The following TBC1D10B variants were observed in gnomAD, a reference collection of about 807,000 sequenced individuals.
TBC1D10B encodes Rab27A-GAPbeta.
TBC1D10B carries 25 observed loss-of-function variants against 78.4 expected under a neutral mutation model. The ratio of observed to expected loss-of-function variants is 0.32; its 90% CI spans 0.23 to 0.45. TBC1D10B has a LOEUF of 0.45. Ranked by LOEUF, TBC1D10B falls within the 20% of genes least tolerant of loss-of-function variation. The pLI, the probability that TBC1D10B is intolerant of heterozygous loss-of-function variation, is 1.00. For synonymous variants in TBC1D10B, 517 were observed against 478.0 expected (o/e 1.08, Z -1.06); for missense variants, 996 against 1,104.8 (o/e 0.90, Z 1.40).
intron 6 of TBC1D10B, 83 bp from the exon 7 acceptor site, chr16:30,359,444 A>T: frequency 6.5e-7 from 1 of 1,546,222 alleles, no homozygotes; most frequent in Non-Finnish European, 8.8e-7. Flanking sequence ...TGTGGGCAGA[A>T]GCCGGGAAGG....
rs1047627478 is a variant in TBC1D10B at position 30,357,659 on chromosome 16, G to A, written c.*285C>T. 10 of 515,046 alleles carry A rather than the reference G, an allele frequency of 1.9e-5. No individual in the cohort carries two copies. The highest frequency in any genetic ancestry group is 1.1e-4 in the African/African-American group (6 of 52,634). 31.9% of individuals were successfully genotyped at this position (515,046 alleles called of 1,614,324 possible). A position where few individuals can be genotyped will look rare whatever the true frequency, so the allele number is the denominator to read the frequency against. On this transcript the variant is annotated 3_prime_UTR_variant, in exon 9 of 9. Coordinates refer to ENST00000409939, the MANE Select transcript of TBC1D10B (RefSeq NM_015527.4). ...CAGGAGTCACCCCTGGGATGACAAC[G>A]GGCCATTCAGGACAGCACCTAGGAG...
In TBC1D10B at chr16:30,370,139, A is replaced by T. The variant is rs1291267418; in HGVS notation, c.45T>A (p.His15Gln). Reference sequence around the variant, plus strand: ...GCGGCGAGGGGGCCGCGGGGGCGCCATGACGGCGCGGCGGGGCCACCAGGG... The same window carrying T: ...GCGGCGAGGGGGCCGCGGGGGCGCCTTGACGGCGCGGCGGGGCCACCAGGG... ...TAPLVAPPRRHGAPAAPSPPP... is the reference protein window; with the variant it reads ...TAPLVAPPRRQGAPAAPSPPP... The change falls in exon 1 of 9, where the codon CAT becomes CAA. Residue 15 changes from histidine (H) to glutamine (Q), a missense_variant. Coordinates refer to ENST00000409939, the MANE Select transcript of TBC1D10B (RefSeq NM_015527.4). 8.3e-7 allele frequency: 1 copy of T among 1,201,612 alleles called. No homozygotes were observed. The highest frequency in any genetic ancestry group is 1.6e-5 in the African/African-American group (1 of 62,944). The allele number at this position is 1,201,612 out of a possible 1,614,324, so 74.4% of individuals were successfully genotyped here.
Position 30,364,911 on chromosome 16 carries a change from T to C in TBC1D10B, c.1260A>G (p.Arg420=). The C allele has an allele frequency of 6.2e-7, 1 of 1,610,654 alleles. No individual in the cohort carries two copies. The highest frequency in any genetic ancestry group is 8.5e-7 in the Non-Finnish European group (1 of 1,178,540). The change falls in exon 4 of 9, where the codon CGA becomes CGG. Residue 420 remains arginine (R), a synonymous_variant. Transcript: ENST00000409939. ...QFPFHEMFAA[R]GGHGQQDLYR... ...TCCGGCCACCTTACCCATGCCCCCC[T>C]CGAGCAGCAAACATCTCGTGGAAAG... is the stretch of plus-strand genomic sequence containing the variant.
In TBC1D10B at chr16:30,365,658, GA is replaced by G. The variant is rs1413003378; in HGVS notation, c.957-65del. 4 of 1,482,564 alleles carry G rather than the reference GA, an allele frequency of 2.7e-6. No homozygotes were observed. The highest frequency in any genetic ancestry group is 2.8e-6 in the Non-Finnish European group (3 of 1,067,530). The allele number at this position is 1,482,564 out of a possible 1,614,324, so 91.8% of individuals were successfully genotyped here. A position where few individuals can be genotyped will look rare whatever the true frequency, so the allele number is the denominator to read the frequency against. On this transcript the variant is annotated intron_variant, in intron 1 of 8. Coordinates refer to ENST00000409939, the MANE Select transcript of TBC1D10B (RefSeq NM_015527.4). The surrounding 1 kb of genome is among the most constrained non-coding windows in gnomAD (Gnocchi z 5.0). ...TAGTGTAAAACCTGCATTGCAGGGG[GA>G]ACTGAGGCAAGCCACCTCCCCAAGC...
intron 4 of TBC1D10B, among the ~76,000 whole-genome samples, chr16:30,362,546 C>T (rs1004817571): frequency 2.0e-5 from 3 of 152,098 alleles, no homozygotes; most frequent in African/African-American, 7.2e-5. Flanking sequence ...GGACATTTCG[C>T]ATCAATTCCT....
rs1473518955 is a variant in TBC1D10B, at chr16:30,359,233, G to A, written c.1581C>T (p.Ile527=). The A allele has an allele frequency of 1.2e-6, 2 of 1,613,126 alleles. No homozygotes were observed. Among genetic ancestry groups the A allele is most frequent in the Non-Finnish European group, 1.7e-6 (2 of 1,179,510 alleles). The part of the protein sequence containing the change: ...VLYMTEWFMC[I]FARTLPWASV... ...ACGCCCAGGGCAGGGTGCGGGCGAA[G>A]ATGCACATGAACCACTCCGTCATGT... is the stretch of plus-strand genomic sequence containing the variant. Residue 527 remains isoleucine, a synonymous_variant, in exon 7 of 9, where the codon ATC becomes ATT. Transcript: ENST00000409939.
intron 4 of TBC1D10B, among the ~76,000 whole-genome samples, chr16:30,362,654 CCA>C (rs1240697701): frequency 2.6e-5 from 4 of 152,224 alleles, no homozygotes; most frequent in African/African-American, 9.7e-5. Flanking sequence ...CAATTTATCT[CCA>C]GTTTAAACAT....
At chr16:30,364,609 C>T (rs755166251) in intron 4 of TBC1D10B, among the ~76,000 whole-genome samples, 1 of 152,034 alleles carries the variant, frequency 6.6e-6, no homozygotes, top group Non-Finnish European at 1.5e-5. Flanking sequence ...TTCCATAACC[C>T]CCAGGCAGGA....
In TBC1D10B at chr16:30,370,056, G is replaced by A; in HGVS notation, c.128C>T (p.Thr43Ile). 8.1e-7 allele frequency: 1 copy of A among 1,228,508 alleles called. No homozygotes were observed. The highest frequency in any genetic ancestry group is 1.0e-6 in the Non-Finnish European group (1 of 985,768). 76.1% of individuals were successfully genotyped at this position (1,228,508 alleles called of 1,614,324 possible). ...GGTGACGGGGGCCGAAGTGGCCGTA[G>A]TCACTGGAGGTCCCGGAGCCACCAC... ...VVVVAPGPPV[T>I]TATSAPVTLV... The change falls in exon 1 of 9, where the codon ACT becomes ATT. Residue 43 changes from threonine to isoleucine, a missense_variant. Transcript: ENST00000409939.
In TBC1D10B at chr16:30,358,744, G is replaced by A. The variant is rs905700320; in HGVS notation, c.1716C>T (p.Ser572=). Residue 572 remains serine, a synonymous_variant, in exon 8 of 9, where the codon TCC becomes TCT. Transcript: ENST00000409939. ...CCATGGTCTCATACATGCCTTGGCAGGAGCGCAGCTTCTCCACTGAGCCCA... is the reference window on the plus strand; with the variant it reads ...CCATGGTCTCATACATGCCTTGGCAAGAGCGCAGCTTCTCCACTGAGCCCA... ...HTLGSVEKLR[S]CQGMYETMEQ... The A allele has an allele frequency of 1.9e-6, 3 of 1,609,698 alleles. No individual in the cohort carries two copies. The highest frequency in any genetic ancestry group is 1.7e-4 in the Middle Eastern group (1 of 6,006).
Position 30,358,320 on chromosome 16 carries a change from C to A in TBC1D10B, c.2051G>T (p.Arg684Leu). The part of the protein sequence containing the change: ...GGAPSPPPPV[R>L]RASAGPAPGP... Reference sequence around the variant, plus strand: ...TGGGGCAGGCCCAGCACTGGCTCTGCGGACGGGGGGCGGCGGGGACGGGGC... The same window carrying A: ...TGGGGCAGGCCCAGCACTGGCTCTGAGGACGGGGGGCGGCGGGGACGGGGC... The change falls in exon 9 of 9, where the codon CGC (arginine) becomes CTC (leucine). Residue 684 changes from arginine to leucine, a missense_variant. By Grantham distance (102) the Arg-to-Leu change is moderately radical. Coordinates refer to ENST00000409939, the MANE Select transcript of TBC1D10B (RefSeq NM_015527.4). 1 of 1,575,654 alleles carries A rather than the reference C, an allele frequency of 6.3e-7. No homozygotes were observed. The highest frequency in any genetic ancestry group is 8.6e-7 in the Non-Finnish European group (1 of 1,160,584).
At chr16:30,358,894 AG>A (rs1189041225) in intron 7 of TBC1D10B, 77 bp from the exon 8 acceptor site, 3 of 1,481,004 alleles carry the variant, frequency 2.0e-6, no homozygotes, top group Non-Finnish European at 2.7e-6. Context: ...ATAGACTCAC[AG>A]CCCCCATCCC....
Position 30,359,524 on chromosome 16 carries a change from C to A in TBC1D10B, c.1452+14G>T. On this transcript the variant is annotated intron_variant, in intron 6 of 8. Transcript: ENST00000409939. ...CGCCACAGCCCCGGATGCACCCAGC[C>A]TCCAGACACTCACCAGCCCTGCACT... The A allele has an allele frequency of 6.4e-7, 1 of 1,555,944 alleles. No homozygotes were observed. Among genetic ancestry groups the A allele is most frequent in the East Asian group, 2.4e-5 (1 of 41,052 alleles).
chr16:30,369,242 C>T lies in TBC1D10B; in HGVS notation c.942G>A (p.Gln314=), dbSNP rs772158927. The change falls in exon 1 of 9, where the codon CAG becomes CAA. Residue 314 remains glutamine (Q), a synonymous_variant. Transcript: ENST00000409939. The surrounding 1 kb of genome is among the most constrained non-coding windows in gnomAD (Gnocchi z 4.3). ...TDKYGFLGGS[Q]YSGSLESSIP... ...CTGGTACTCACAGGCTGCCCGAGTA[C>T]TGGCTGCCCCCAAGGAAGCCATACT... 23 of 1,580,544 alleles carry T rather than the reference C, an allele frequency of 1.5e-5. No homozygotes were observed. In the South Asian group the frequency reaches 2.5e-4, roughly 18 times the overall value.
At position 30,369,443 on chromosome 16, in the gene TBC1D10B, G is replaced by C. The variant is rs1318499321; in HGVS notation, c.741C>G (p.Gly247=). The C allele has an allele frequency of 6.4e-7, 1 of 1,556,110 alleles. No individual in the cohort carries two copies. The highest frequency in any genetic ancestry group is 1.4e-5 in the African/African-American group (1 of 73,234). Reference sequence around the variant, plus strand: ...TGCCAGGTCCCAGGCTGGACGTGGAGCCCAGGTCTTGAGAGTTTTCAGCAG... The same window carrying C: ...TGCCAGGTCCCAGGCTGGACGTGGACCCCAGGTCTTGAGAGTTTTCAGCAG... ...PEPAENSQDL[G]STSSLGPGIS... The change falls in exon 1 of 9, where the codon GGC becomes GGG. Residue 247 remains glycine, a synonymous_variant. Transcript: ENST00000409939. The surrounding 1 kb of genome is among the most constrained non-coding windows in gnomAD (Gnocchi z 4.3).
At chr16:30,360,604 G>A (rs1308254661) in intron 4 of TBC1D10B, among the ~76,000 whole-genome samples, 4 of 152,148 alleles carry the variant, frequency 2.6e-5, no homozygotes, top group Non-Finnish European at 5.9e-5. Context: ...AGGCATTCAA[G>A]TGTGATCTTC....
At chr16:30,361,866 G>A (rs1326317422) in intron 4 of TBC1D10B, among the ~76,000 whole-genome samples, 2 of 140,200 alleles carry the variant, frequency 1.4e-5, no homozygotes, top group East Asian at 4.2e-4. Flanking sequence ...TTTTTTTTTT[G>A]AGACAGAATC....
At position 30,369,730 on chromosome 16, in the gene TBC1D10B, T is replaced by C; in HGVS notation, c.454A>G (p.Thr152Ala). The C allele has an allele frequency of 6.8e-7, 1 of 1,469,646 alleles. No homozygotes were observed. Among genetic ancestry groups the C allele is most frequent in the Non-Finnish European group, 9.0e-7 (1 of 1,108,988 alleles). The allele number at this position is 1,469,646 out of a possible 1,614,324, so 91.0% of individuals were successfully genotyped here. The change falls in exon 1 of 9, where the codon ACC (threonine) becomes GCC (alanine). Residue 152 changes from threonine (T) to alanine (A), a missense_variant. Thr to Ala is a moderately conservative substitution (Grantham distance 58). Around this residue, in one of 5 missense-constraint regions of TBC1D10B, gnomAD observed 448 missense variants for 442.1 expected, o/e 1.01. Transcript: ENST00000409939. The surrounding 1 kb of genome is among the most constrained non-coding windows in gnomAD (Gnocchi z 4.3). The stretch of plus-strand genomic sequence containing the variant: ...GTTCTGGAAGGGGTCCTGGTAGGGG[T>C]CCCGGTGGGGGTCCCTGGTCCTGGG... ...PAPGPGTPTG[T>A]PTRTPSRTAP...
In TBC1D10B at chr16:30,370,071, G is replaced by C; in HGVS notation, c.113C>G (p.Pro38Arg). 1 of 1,227,166 alleles carries C rather than the reference G, an allele frequency of 8.1e-7. No homozygotes were observed. Among genetic ancestry groups the C allele is most frequent in the Non-Finnish European group, 1.0e-6 (1 of 985,038 alleles). 76.0% of individuals were successfully genotyped at this position (1,227,166 alleles called of 1,614,324 possible). A position where few individuals can be genotyped will look rare whatever the true frequency, so the allele number is the denominator to read the frequency against. ...AGTGGCCGTAGTCACTGGAGGTCCC[G>C]GAGCCACCACCACGACGGGCCCGGC... is the stretch of plus-strand genomic sequence containing the variant. ...SRAGPVVVVA[P>R]GPPVTTATSA... The change falls in exon 1 of 9, where the codon CCG becomes CGG. Residue 38 changes from proline to arginine, a missense_variant. Transcript: ENST00000409939.
Sources: gnomAD v4.1 joint callset for allele counts (sites outside exome capture counted in the v4.1 genomes callset) on GRCh38, gnomAD v4.1.1 for gene constraint, gnomAD v4.1.1 regional missense constraint, Gnocchi (gnomAD v3.1) non-coding constraint, MANE v1.5 for transcripts, NCBI Gene and HGNC (gene_info 2026-07-23, HGNC 2026-07-21) for gene names.